The following CRADD variants were observed in gnomAD, a reference collection of about 807,000 sequenced individuals.
The protein encoded by CRADD is death domain-containing protein CRADD.
Under a neutral mutation model 15.5 loss-of-function variants are expected in CRADD, and 9 were observed. That is an observed-to-expected ratio of 0.58 (90% CI 0.35 to 1.01). The LOEUF (loss-of-function observed/expected upper bound fraction) is 1.01, where lower values mean the gene tolerates loss of function less well. Ranked by LOEUF, CRADD falls within the 50% of genes least tolerant of loss-of-function variation. CRADD has a pLI of 0.02. For missense variants in CRADD, 227 were observed against 250.3 expected, an observed-to-expected ratio of 0.91 and a Z score of 0.63; for synonymous variants, 118 against 107.6, an observed-to-expected ratio of 1.10 and a Z score of -0.60.
At chr12:93,844,570 G>A (rs1958090864) in intron 2 of CRADD, among the ~76,000 whole-genome samples, 1 of 152,166 alleles carries the variant, frequency 6.6e-6, no homozygotes, top group African/African-American at 2.4e-5. Context: ...GACCCTGAAA[G>A]TGTGGAAGAA....
At chr12:93,692,324 A>G (rs1955593403) in intron 2 of CRADD, among the ~76,000 whole-genome samples, 1 of 152,186 alleles carries the variant, frequency 6.6e-6, no homozygotes, top group Middle Eastern at 3.2e-3. Flanking sequence ...AAATATTAGC[A>G]GAAAACTTTC....
intron 2 of CRADD, among the ~76,000 whole-genome samples, chr12:93,720,187 A>T (rs1213500986): frequency 6.6e-6 from 1 of 152,030 alleles, no homozygotes; most frequent in Non-Finnish European, 1.5e-5. Flanking sequence ...TCTTACCCCT[A>T]TGTTACTTAG....
intron 2 of CRADD, among the ~76,000 whole-genome samples, chr12:93,845,339 C>T (rs1193976192): frequency 6.6e-6 from 1 of 152,148 alleles, no homozygotes; most frequent in Non-Finnish European, 1.5e-5. Context: ...CAGTTCTGGA[C>T]AGAGATGTTC....
chr12:93,678,745 A>G, intron 1 of CRADD, 24 bp from the exon 2 acceptor site: 1 of 1,597,324 alleles, frequency 6.3e-7, no homozygotes, highest in Non-Finnish European at 8.5e-7. Context: ...CTGTAATTTG[A>G]GCTGTGATTT....
At chr12:93,762,849 G>C (rs955658705) in intron 2 of CRADD, among the ~76,000 whole-genome samples, 2 of 151,988 alleles carry the variant, frequency 1.3e-5, no homozygotes, top group Admixed American at 6.6e-5. Flanking sequence ...GAACAGGTAA[G>C]CTAAATAAAA....
chr12:93,738,215 G>A (rs1327234519), intron 2 of CRADD: 3 of 616,284 alleles, frequency 4.9e-6, no homozygotes, highest in African/African-American at 1.8e-5. Flanking sequence ...GAGGAAAAAG[G>A]AAGGACTGGC....
intron 2 of CRADD, among the ~76,000 whole-genome samples, chr12:93,710,369 G>T (rs551827992): frequency 1.5e-5 from 2 of 133,526 alleles, no homozygotes; most frequent in African/African-American, 2.8e-5. Context: ...TTTTTGAGAC[G>T]GAGTCTTGCT....
chr12:93,698,787 AAAG>A (rs1369983488), intron 2 of CRADD, among the ~76,000 whole-genome samples: 3 of 152,236 alleles, frequency 2.0e-5, no homozygotes, highest in Admixed American at 1.3e-4. Context: ...TTGAAAAAGA[AAAG>A]AAGATTACAT....
chr12:93,739,382 T>C (rs529827825), intron 2 of CRADD, among the ~76,000 whole-genome samples: 3 of 151,956 alleles, frequency 2.0e-5, no homozygotes, highest in African/African-American at 7.2e-5. Flanking sequence ...TAAAAACTAA[T>C]GTATTATTTA....
At chr12:93,717,788 T>A (rs1956188204) in intron 2 of CRADD, among the ~76,000 whole-genome samples, 1 of 152,190 alleles carries the variant, frequency 6.6e-6, no homozygotes. Context: ...CCCCAAGTGT[T>A]AGGATTACAG....
intron 2 of CRADD, among the ~76,000 whole-genome samples, chr12:93,774,016 T>G (rs79260867): frequency 6.7e-6 from 1 of 149,640 alleles, no homozygotes; most frequent in Non-Finnish European, 1.5e-5. Context: ...TTTTTTTTTT[T>G]GTAGAGATGG....
intron 2 of CRADD, among the ~76,000 whole-genome samples, chr12:93,874,227 G>T (rs1349988133): frequency 6.6e-6 from 1 of 151,792 alleles, no homozygotes; most frequent in Admixed American, 6.6e-5. Context: ...CCAATTTATT[G>T]GCATTTGGTG....
At position 93,867,327 on chromosome 12, in the gene CRADD, T is replaced by C. The variant is rs1021921932; in HGVS notation, c.299-26723T>C. ...CTTCCTGTATGTTAGTTAGTGGGGATCCATAAAAAGTACAGGAAAACATGT... is the reference window on the plus strand; with the variant it reads ...CTTCCTGTATGTTAGTTAGTGGGGACCCATAAAAAGTACAGGAAAACATGT... On this transcript the variant is annotated intron_variant, in intron 2 of 2. Coordinates refer to the CRADD transcript ENST00000548483. Among the ~76,000 whole-genome samples the C allele has an allele frequency of 5.4e-5, 8 of 148,894 alleles. No homozygotes were observed. In the Admixed American group the frequency reaches 5.4e-4, roughly 10 times the overall value.
At chr12:93,761,708 T>C (rs527752617) in intron 2 of CRADD, among the ~76,000 whole-genome samples, 101 of 152,326 alleles carry the variant, frequency 6.6e-4, no homozygotes, top group African/African-American at 2.1e-3. Context: ...TAATATGGAC[T>C]CTCTGCCTTA....
chr12:93,765,961 C>T (rs1354605997), intron 2 of CRADD, among the ~76,000 whole-genome samples: 8 of 152,038 alleles, frequency 5.3e-5, no homozygotes, highest in Non-Finnish European at 8.8e-5. Context: ...ATTTAAGAAC[C>T]GCTAACAGAA....
intron 2 of CRADD, among the ~76,000 whole-genome samples, chr12:93,767,405 C>G (rs1244776435): frequency 6.6e-6 from 1 of 152,168 alleles, no homozygotes; most frequent in African/African-American, 2.4e-5. Context: ...TGCTGTGATG[C>G]TTTGCATTTA....
At chr12:93,718,003 T>C (rs567164782) in intron 2 of CRADD, among the ~76,000 whole-genome samples, 1 of 152,322 alleles carries the variant, frequency 6.6e-6, no homozygotes, top group African/African-American at 2.4e-5. Context: ...GTGAGTTTAG[T>C]TTTGGGTTCT....
chr12:93,827,136 T>C (rs1957832914), intron 2 of CRADD, among the ~76,000 whole-genome samples: 1 of 152,200 alleles, frequency 6.6e-6, no homozygotes, highest in Non-Finnish European at 1.5e-5. Context: ...CACACACTTA[T>C]ACACCCATGA....
downstream of CRADD, among the ~76,000 whole-genome samples, chr12:93,855,410 G>A (rs1958264272): frequency 6.6e-5 from 10 of 152,170 alleles, 1 homozygote. Context: ...CGCTAAGCAG[G>A]GAGGCGAAAA....
Sources: gnomAD v4.1 joint callset for allele counts (sites outside exome capture counted in the v4.1 genomes callset) on GRCh38, gnomAD v4.1.1 for gene constraint, MANE v1.5 for transcripts, NCBI Gene and HGNC (gene_info 2026-07-23, HGNC 2026-07-21) for gene names.